Variants in TRPM2 observed in about 807,000 individuals in gnomAD.
The protein encoded by TRPM2 is transient receptor potential cation channel subfamily M member 2.
In TRPM2, 161 loss-of-function variants were observed where a neutral mutation model predicts 174.0. The observed-to-expected ratio is 0.93, with a 90% CI of 0.81 to 1.05. The LOEUF is 1.05. Among genes scored for constraint, TRPM2 ranks in the 50% least tolerant of loss-of-function variants. The probability of loss-of-function intolerance (pLI) is 0.00; values close to 1 mark genes in which losing one functional copy is unlikely to be tolerated. For missense variants in TRPM2, 2,057 were observed against 2,038.0 expected (o/e 1.01, Z -0.18); for synonymous variants, 954 against 861.3 (o/e 1.11, Z -1.88).
chr21:44,401,585 T>C (rs1049665651), intron 15 of TRPM2, 96 bp from the exon 16 acceptor site: 22 of 1,315,344 alleles, frequency 1.7e-5, no homozygotes, highest in African/African-American at 2.9e-5. Context: ...CACATCTCTC[T>C]GAGGGGCACG....
At chr21:44,425,625 G>C (rs1335897541) in intron 24 of TRPM2, 45 bp from the exon 25 acceptor site, 43 of 1,444,546 alleles carry the variant, frequency 3.0e-5, no homozygotes, top group Non-Finnish European at 2.0e-5. Flanking sequence ...GCGGGCACCT[G>C]AGCCCGGGCT....
At chr21:44,411,572 T>C (rs1194975556) in intron 19 of TRPM2, among the ~76,000 whole-genome samples, 3 of 152,174 alleles carry the variant, frequency 2.0e-5, no homozygotes, top group Admixed American at 6.6e-5. Context: ...TTGCCTTTTA[T>C]TTCTTCTTCT....
intron 20 of TRPM2, among the ~76,000 whole-genome samples, chr21:44,416,973 C>A (rs2050310011): frequency 1.5e-5 from 2 of 134,110 alleles, no homozygotes; most frequent in East Asian, 2.3e-4. Flanking sequence ...TGGCTCTGCT[C>A]TCTGTGGCAT....
upstream of TRPM2, among the ~76,000 whole-genome samples, chr21:44,350,784 C>T (rs1006864833): frequency 2.6e-5 from 4 of 152,010 alleles, no homozygotes; most frequent in African/African-American, 9.7e-5. Context: ...GACTGGGAGC[C>T]GGGTGCGGTC....
intron 28 of TRPM2, 130 bp from the exon 29 acceptor site, chr21:44,436,932 A>G (rs1027705246): frequency 2.8e-6 from 2 of 726,476 alleles, no homozygotes; most frequent in African/African-American, 3.6e-5. Flanking sequence ...AAGAACTTGA[A>G]AAAGAACACG....
At chr21:44,434,064 C>T (rs2051134938) in intron 27 of TRPM2, among the ~76,000 whole-genome samples, 1 of 125,044 alleles carries the variant, frequency 8.0e-6, no homozygotes, top group Non-Finnish European at 1.6e-5. Context: ...GTCAGCTGTC[C>T]TGGAGCAGCC....
intron 20 of TRPM2, chr21:44,415,807 G>A (rs970655721): frequency 1.3e-5 from 2 of 152,204 alleles, no homozygotes; most frequent in African/African-American, 2.4e-5. Flanking sequence ...CCTGGTGGAC[G>A]TGGTCCTCTG....
At position 44,378,315 on chromosome 21, in the gene TRPM2, G is replaced by A. The variant is rs45615632; in HGVS notation, c.1014+542G>A. 6.4e-4 allele frequency among the ~76,000 whole-genome samples: 97 copies of A among 152,330 alleles called. No individual in the cohort carries two copies. In the Middle Eastern group the frequency reaches 0.014, roughly 21 times the overall value. On this transcript the variant is annotated intron_variant, in intron 7 of 31. Transcript: ENST00000397928. ...GACCTCACCTGCTGTAGGAATGTAC[G>A]AGGACATATAGCCTGAGGATCTGGA...
intron 23 of TRPM2, among the ~76,000 whole-genome samples, 158 bp from the exon 24 acceptor site, chr21:44,424,694 G>A (rs2146372963): frequency 6.6e-6 from 1 of 152,308 alleles, no homozygotes; most frequent in Middle Eastern, 3.4e-3. Context: ...CTTGGTGGCT[G>A]CCTGGGGAGG....
intron 8 of TRPM2, among the ~76,000 whole-genome samples, chr21:44,381,459 T>C (rs1297004873): frequency 8.4e-6 from 1 of 119,634 alleles, no homozygotes; most frequent in Non-Finnish European, 1.6e-5. Flanking sequence ...GATGGCTGGA[T>C]GGAAAGATGG....
At position 44,417,847 on chromosome 21, in the gene TRPM2, A is replaced by G. The variant is rs954102275; in HGVS notation, c.3147-80A>G. On this transcript the variant is annotated intron_variant, in intron 20 of 31. Transcript: ENST00000397928. ...GTGGCTCTGCTCTCTGTGGCATCAC[A>G]GTGGGCACGCAGGCGGTGAGAGGGG... 7 of 1,465,752 alleles carry G rather than the reference A, an allele frequency of 4.8e-6. No individual in the cohort carries two copies. The African/African-American group carries it at 8.3e-5, about 17-fold the overall frequency. 90.8% of individuals were successfully genotyped at this position (1,465,752 alleles called of 1,614,324 possible). A position where few individuals can be genotyped will look rare whatever the true frequency, so the allele number is the denominator to read the frequency against.
chr21:44,370,296 C>A (rs552811048), intron 5 of TRPM2, among the ~76,000 whole-genome samples: 1 of 152,126 alleles, frequency 6.6e-6, no homozygotes, highest in Non-Finnish European at 1.5e-5. Flanking sequence ...AGGTCTCCTG[C>A]AGCCGGGAAT....
chr21:44,369,562 G>A (rs1488064560), intron 5 of TRPM2, among the ~76,000 whole-genome samples: 1 of 83,030 alleles, frequency 1.2e-5, no homozygotes, highest in Non-Finnish European at 2.6e-5. Context: ...GCCGGGGTGT[G>A]GGTGAGTTCT....
In TRPM2 at chr21:44,374,113, C is replaced by T. The variant is rs543480004; in HGVS notation, c.772-1720C>T. Among the ~76,000 whole-genome samples, 7 of 152,072 alleles carry T rather than the reference C, an allele frequency of 4.6e-5. No homozygotes were observed. In the East Asian group the frequency reaches 1.4e-3, roughly 29 times the overall value. On this transcript the variant is annotated intron_variant, in intron 5 of 31. Coordinates refer to ENST00000397928, the MANE Select transcript of TRPM2 (RefSeq NM_003307.4). ...GCAACCTCCACCTTCCGGGTTCAAG[C>T]AAATCTCCCACCTTAGCCTCCCGAG...
intron 3 of TRPM2, among the ~76,000 whole-genome samples, chr21:44,364,692 G>A (rs1175619413): frequency 1.3e-5 from 2 of 152,142 alleles, no homozygotes; most frequent in Non-Finnish European, 2.9e-5. Context: ...GGGAAAAGCT[G>A]GGGGAAGGGG....
At chr21:44,363,018 T>C (rs11910268) in intron 2 of TRPM2, among the ~76,000 whole-genome samples, 6,098 of 152,314 alleles carry the variant, frequency 0.04, 353 homozygotes, top group African/African-American at 0.13. Flanking sequence ...GTGATCCACC[T>C]GCCTCAGCTT....
intron 11 of TRPM2, among the ~76,000 whole-genome samples, chr21:44,393,085 C>T (rs1177582870): frequency 6.6e-6 from 1 of 152,116 alleles, no homozygotes; most frequent in Non-Finnish European, 1.5e-5. Flanking sequence ...AGGAACCCTG[C>T]CCTAGTCTCC....
chr21:44,406,358 T>G (rs186758662), intron 18 of TRPM2, among the ~76,000 whole-genome samples: 2 of 149,314 alleles, frequency 1.3e-5, no homozygotes, highest in African/African-American at 5.2e-5. Flanking sequence ...TCTAGGAGCT[T>G]TCCTCCTTGG....
At chr21:44,378,074 G>T (rs2048760401) in intron 7 of TRPM2, among the ~76,000 whole-genome samples, 1 of 152,216 alleles carries the variant, frequency 6.6e-6, no homozygotes, top group Non-Finnish European at 1.5e-5. Context: ...TCTGCTCCCA[G>T]GACCTGCTGG....
Sources: gnomAD v4.1 joint callset for allele counts (sites outside exome capture counted in the v4.1 genomes callset) on GRCh38, gnomAD v4.1.1 for gene constraint, MANE v1.5 for transcripts, NCBI Gene and HGNC (gene_info 2026-07-23, HGNC 2026-07-21) for gene names.